Variants in DRC3 observed in about 807,000 individuals in gnomAD.
DRC3 encodes dynein regulatory complex subunit 3.
In DRC3, 45 loss-of-function variants were observed where a neutral mutation model predicts 57.6. The ratio of observed to expected loss-of-function variants is 0.78; its 90% confidence interval spans 0.62 to 1.00. DRC3 has a LOEUF of 1.00. DRC3 is among the 50% of genes least tolerant of loss of function. DRC3 has a pLI of 0.00. For synonymous variants in DRC3, 257 were observed against 272.3 expected (o/e 0.94, Z 0.55); for missense variants, 655 against 675.2 (o/e 0.97, Z 0.33).
intron 2 of DRC3, among the ~76,000 whole-genome samples, chr17:17,975,285 C>G (rs985566051): frequency 6.6e-6 from 1 of 150,902 alleles, no homozygotes; most frequent in Non-Finnish European, 1.5e-5. Context: ...GATCTCGGCT[C>G]ACTGCAACCT....
intron 4 of DRC3, among the ~76,000 whole-genome samples, chr17:17,984,908 C>T (rs987963060): frequency 6.6e-6 from 1 of 152,172 alleles, no homozygotes; most frequent in Non-Finnish European, 1.5e-5. Context: ...GGTTATGCTG[C>T]CATTTCACAC....
Position 17,997,474 on chromosome 17 carries a change from T to G in DRC3, c.839T>G (p.Phe280Cys). Residue 280 changes from phenylalanine (F) to cysteine (C), a missense_variant, in exon 9 of 14, where the codon TTT becomes TGT. Coordinates refer to ENST00000399187, the MANE Select transcript of DRC3 (RefSeq NM_031294.4). ...GELLETYKDK[F>C]VIICVNIFEY... ...CAGCCACTCACCTACAAGGACAAGT[T>G]TGTCATCATCTGCGTGAATATTTTT... The G allele has an allele frequency of 6.2e-7, 1 of 1,613,238 alleles. No individual in the cohort carries two copies. The highest frequency in any genetic ancestry group is 8.5e-7 in the Non-Finnish European group (1 of 1,179,682).
At chr17:17,991,091 C>T (rs1391307289) in intron 5 of DRC3, among the ~76,000 whole-genome samples, 2 of 152,188 alleles carry the variant, frequency 1.3e-5, no homozygotes, top group Non-Finnish European at 2.9e-5. Context: ...TTGTTCCCCA[C>T]TGTATCTTCA....
At chr17:17,981,228 C>G (rs887253370) in intron 3 of DRC3, 2 of 262,774 alleles carry the variant, frequency 7.6e-6, no homozygotes, top group Admixed American at 4.0e-5. Context: ...TTTGCTTCCT[C>G]CAGGAAAAAC....
chr17:18,007,671 C>G, intron 12 of DRC3: 1 of 1,352,540 alleles, frequency 7.4e-7, no homozygotes. Flanking sequence ...GCTAAGAAGG[C>G]TCTCCCGGAT....
chr17:17,976,300 T>C (rs1039576702), intron 2 of DRC3, among the ~76,000 whole-genome samples: 2 of 151,940 alleles, frequency 1.3e-5, no homozygotes, highest in African/African-American at 4.8e-5. Context: ...CAGCCTGGAG[T>C]CAGCCTCACA....
At chr17:18,015,875 T>C in intron 12 of DRC3, 189 bp from the exon 13 acceptor site, 1 of 613,248 alleles carries the variant, frequency 1.6e-6, no homozygotes, top group Admixed American at 2.9e-5. Flanking sequence ...CCCTGTGCAG[T>C]TGGGGAAGCG....
rs867641195 is a variant in DRC3, at chr17:17,982,638, G to A, written c.161-1190G>A. 2.9e-5 allele frequency among the ~76,000 whole-genome samples: 4 copies of A among 140,082 alleles called. No homozygotes were observed. The East Asian group carries it at 6.6e-4, about 23-fold the overall frequency. The allele number at this position is 140,082 out of a possible 152,430, so 91.9% of individuals were successfully genotyped here. A position where few individuals can be genotyped will look rare whatever the true frequency, so the allele number is the denominator to read the frequency against. ...TCTGTCACCTGGATTGCAGTGGCGC[G>A]ATCTTGGCTCACTGCAACCTCTGCC... is the stretch of plus-strand genomic sequence containing the variant. On this transcript the variant is annotated intron_variant, in intron 3 of 13. Coordinates refer to ENST00000399187, the MANE Select transcript of DRC3 (RefSeq NM_031294.4).
rs1041031138 is a variant in DRC3, at chr17:17,980,250, T to TG, written c.160+2492_160+2493insG. On this transcript the variant is annotated intron_variant, in intron 3 of 13. Transcript: ENST00000399187. Reference sequence around the variant, plus strand: ...ACGGCAGCTGGACTGTATGTTTTTTTTTTGTTTGTTTGTTTGTTTTGTTTT... The same window carrying TG: ...ACGGCAGCTGGACTGTATGTTTTTTTGTTTGTTTGTTTGTTTGTTTTGTTTT... Among the ~76,000 whole-genome samples, 167 of 152,074 alleles carry TG rather than the reference T, an allele frequency of 1.1e-3. 1 individual carries two copies. The highest frequency in any genetic ancestry group is 3.7e-3 in the African/African-American group (155 of 41,488).
intron 8 of DRC3, among the ~76,000 whole-genome samples, chr17:17,996,268 G>A (rs986848757): frequency 6.6e-5 from 10 of 152,050 alleles, no homozygotes; most frequent in South Asian, 2.1e-4. Context: ...GATCTGCCTC[G>A]GCCTTCCAAA....
chr17:17,978,438 G>A (rs1447482873), intron 3 of DRC3, among the ~76,000 whole-genome samples: 1 of 152,194 alleles, frequency 6.6e-6, no homozygotes, highest in Non-Finnish European at 1.5e-5. Context: ...GCAGTACGAG[G>A]GCAGTGAGAG....
chr17:17,988,039 G>T lies in DRC3; in HGVS notation c.385G>T (p.Ala129Ser), dbSNP rs144134879. Residue 129 changes from alanine (A) to serine (S), a missense_variant, in exon 5 of 14, where the codon GCC becomes TCC. Transcript: ENST00000399187. The part of the protein sequence containing the change: ...NRISKIDSLD[A>S]LVKLQVLSLG... Reference sequence around the variant, plus strand: ...GATCTCCAAGATCGACTCCCTGGACGCCCTCGTCAAGCTGCAGGTGTTGTC... The same window carrying T: ...GATCTCCAAGATCGACTCCCTGGACTCCCTCGTCAAGCTGCAGGTGTTGTC... The T allele has an allele frequency of 2.2e-4, 356 of 1,613,942 alleles. No homozygotes were observed. The highest frequency in any genetic ancestry group is 2.8e-4 in the Non-Finnish European group (326 of 1,179,894).
At chr17:17,980,258 G>A (rs930067884) in intron 3 of DRC3, among the ~76,000 whole-genome samples, 1 of 151,346 alleles carries the variant, frequency 6.6e-6, no homozygotes, top group Non-Finnish European at 1.5e-5. Context: ...TTTTTTGTTT[G>A]TTTGTTTGTT....
Position 17,992,797 on chromosome 17 carries a change from G to A in DRC3, c.477G>A (p.Arg159=), listed in dbSNP as rs775204550. The A allele has an allele frequency of 2.7e-5, 43 of 1,613,640 alleles. No homozygotes were observed. The South Asian group carries it at 4.6e-4, about 17-fold the overall frequency. Residue 159 remains arginine, a synonymous_variant, in exon 6 of 14, where the codon CGG becomes CGA. Transcript: ENST00000399187. ...ACCTCCGGCGGTTCAAGTGCCTGCG[G>A]ACGCTCAGCCTCTCTAGGAACCCTA... The part of the protein sequence containing the change: ...IIYLRRFKCL[R]TLSLSRNPIS...
At position 18,007,085 on chromosome 17, in the gene DRC3, A is replaced by T; in HGVS notation, c.1264A>T (p.Ser422Cys). 7.4e-7 allele frequency: 1 copy of T among 1,343,446 alleles called. No homozygotes were observed. Among genetic ancestry groups the T allele is most frequent in the Non-Finnish European group, 9.7e-7 (1 of 1,026,654 alleles). The allele number at this position is 1,343,446 out of a possible 1,614,324, so 83.2% of individuals were successfully genotyped here. A position where few individuals can be genotyped will look rare whatever the true frequency, so the allele number is the denominator to read the frequency against. The change falls in exon 12 of 14, where the codon AGC becomes TGC. Residue 422 changes from serine (S) to cysteine (C), a missense_variant. Ser to Cys is a moderately radical substitution (Grantham distance 112). Coordinates refer to ENST00000399187, the MANE Select transcript of DRC3 (RefSeq NM_031294.4). ...HHEKLLEISI[S>C]TLEKIVEGDL... Reference sequence around the variant, plus strand: ...CGAGAAGCTCCTGGAGATCTCTATCAGCACCCTGGAGAAGATTGTCGAGGG... The same window carrying T: ...CGAGAAGCTCCTGGAGATCTCTATCTGCACCCTGGAGAAGATTGTCGAGGG...
intron 4 of DRC3, among the ~76,000 whole-genome samples, chr17:17,984,689 C>T (rs1232964053): frequency 6.6e-6 from 1 of 152,120 alleles, no homozygotes; most frequent in East Asian, 1.9e-4. Flanking sequence ...GAGCCCCAGG[C>T]ACTTGCCCAA....
chr17:18,014,903 T>C (rs1261801960), intron 12 of DRC3, among the ~76,000 whole-genome samples: 2 of 152,208 alleles, frequency 1.3e-5, no homozygotes, highest in Non-Finnish European at 2.9e-5. Context: ...CATTTCTCCC[T>C]TGTGACTGTG....
intron 12 of DRC3, among the ~76,000 whole-genome samples, chr17:18,012,734 G>T (rs1398577781): frequency 6.6e-6 from 1 of 151,030 alleles, no homozygotes; most frequent in East Asian, 1.9e-4. Context: ...GAAAACAAGA[G>T]AAATGCTTTA....
chr17:17,991,805 A>C (rs2043245478), intron 5 of DRC3, among the ~76,000 whole-genome samples: 1 of 152,164 alleles, frequency 6.6e-6, no homozygotes, highest in Non-Finnish European at 1.5e-5. Flanking sequence ...GGTCCCATTT[A>C]ATTTAAGATA....
Sources: allele counts gnomAD v4.1 joint callset (sites outside exome capture counted in the v4.1 genomes callset), GRCh38; gene constraint gnomAD v4.1.1; transcripts MANE v1.5; gene names NCBI Gene and HGNC (gene_info 2026-07-23, HGNC 2026-07-21).